The following SPATA31D1 variants were observed in gnomAD, a reference collection of about 807,000 sequenced individuals.
SPATA31D1 encodes spermatogenesis-associated protein 31D1.
Under a neutral mutation model 13.2 loss-of-function variants are expected in SPATA31D1, and 6 were observed. The observed-to-expected ratio is 0.46, with a 90% CI of 0.25 to 0.90. The LOEUF is 0.90. Among genes scored for constraint, SPATA31D1 ranks in the 40% least tolerant of loss-of-function variants. SPATA31D1 has a pLI of 0.18. For missense variants in SPATA31D1, 2,445 were observed against 1,884.7 expected (o/e 1.30, Z -5.50); for synonymous variants, 903 against 718.8 (o/e 1.26, Z -4.10).
chr9:81,989,680 T>G, intron 1 of SPATA31D1, 98 bp from the exon 2 acceptor site: 1 of 1,299,984 alleles, frequency 7.7e-7, no homozygotes, highest in Non-Finnish European at 1.1e-6. Flanking sequence ...GTAATATTCT[T>G]GTATAATGAA....
chr9:81,993,892 A>G lies in SPATA31D1; in HGVS notation c.3422A>G (p.Gln1141Arg). 1.2e-6 allele frequency: 2 copies of G among 1,614,028 alleles called. No homozygotes were observed. ...TCCTTTCATAATGTAGACAGGCTTCAGGGCAGTAGAAAGACCTTTCCTGTC... is the reference window on the plus strand; with the variant it reads ...TCCTTTCATAATGTAGACAGGCTTCGGGGCAGTAGAAAGACCTTTCCTGTC... ...KSSFHNVDRL[Q>R]GSRKTFPVTN... Residue 1141 changes from glutamine (Q) to arginine (R), a missense_variant, in exon 4 of 4, where the codon CAG (glutamine) becomes CGG (arginine). By Grantham distance (43) the Gln-to-Arg change is conservative (BLOSUM62 1). Coordinates refer to ENST00000344803, the MANE Select transcript of SPATA31D1 (RefSeq NM_001001670.3).
rs1824898569 is a variant in SPATA31D1, at chr9:81,988,894, G to A, written c.76G>A (p.Asp26Asn). ...LSPDSHWLDI[D>N]PNFICLSGLG... ...CCCTGACTCACATTGGTTGGATATCGACCCCAACTTCATCTGCTTGAGTGG... is the reference window on the plus strand; with the variant it reads ...CCCTGACTCACATTGGTTGGATATCAACCCCAACTTCATCTGCTTGAGTGG... Residue 26 changes from aspartate to asparagine, a missense_variant, in exon 1 of 4, where the codon GAC becomes AAC. Transcript: ENST00000344803. 4 of 1,612,762 alleles carry A rather than the reference G, an allele frequency of 2.5e-6. No individual in the cohort carries two copies. The African/African-American group carries it at 4.0e-5, about 16-fold the overall frequency.
chr9:81,988,708 C>G, upstream of SPATA31D1: 1 of 1,550,098 alleles, frequency 6.5e-7, no homozygotes, highest in Non-Finnish European at 8.8e-7. Context: ...TCCCTGCACC[C>G]TTAGAAACCT....
chr9:81,992,199 C>T lies in SPATA31D1; in HGVS notation c.1729C>T (p.Gln577Ter). ...CCAAGGTCAGTCCCCACATCTCACT[C>T]AGGTGAAGTCCCTGGCTCAACCTCA... ...LPQGQSPHLT[Q>*]VKSLAQPQSP... The change falls in exon 4 of 4, where the codon CAG (glutamine) becomes TAG (stop). Residue 577 changes from glutamine (Q) to a stop codon, truncating the protein, a stop_gained. Coordinates refer to ENST00000344803, the MANE Select transcript of SPATA31D1 (RefSeq NM_001001670.3). LOFTEE classifies it low-confidence loss of function (END_TRUNC). 1 of 1,613,780 alleles carries T rather than the reference C, an allele frequency of 6.2e-7. No homozygotes were observed. The highest frequency in any genetic ancestry group is 8.5e-7 in the Non-Finnish European group (1 of 1,179,724).
At position 81,995,026 on chromosome 9, in the gene SPATA31D1, C is replaced by G. The variant is rs73480308; in HGVS notation, c.4556C>G (p.Pro1519Arg). 3.3e-3 allele frequency: 5,252 copies of G among 1,613,880 alleles called. 150 individuals are homozygous for G. In the African/African-American group the frequency reaches 0.06, roughly 18 times the overall value. Residue 1519 changes from proline (P) to arginine (R), a missense_variant, in exon 4 of 4, where the codon CCC (proline) becomes CGC (arginine). Coordinates refer to ENST00000344803, the MANE Select transcript of SPATA31D1 (RefSeq NM_001001670.3). ...ILCQSHPQSM[P>R]HRKPVPHPNP... ...TGTCAAAGCCATCCCCAATCCATGC[C>G]CCACAGGAAGCCTGTGCCACATCCA...
In SPATA31D1 at chr9:81,988,830, C is replaced by T; in HGVS notation, c.12C>T (p.Ile4=). 1 of 1,612,626 alleles carries T rather than the reference C, an allele frequency of 6.2e-7. No individual in the cohort carries two copies. The highest frequency in any genetic ancestry group is 8.5e-7 in the Non-Finnish European group (1 of 1,179,726). Residue 4 remains isoleucine, a synonymous_variant, in exon 1 of 4, where the codon ATC becomes ATT. Coordinates refer to ENST00000344803, the MANE Select transcript of SPATA31D1 (RefSeq NM_001001670.3). The stretch of plus-strand genomic sequence containing the variant: ...GAGCTATTCAGACCATGGAGAATAT[C>T]CTCTGTTTTCTGAACAGCTATACTG... MEN[I]LCFLNSYTET...
In SPATA31D1 at chr9:81,994,385, TGGAG is replaced by T; in HGVS notation, c.3918_3921del (p.Gly1307MetfsTer33). On this transcript the variant is annotated frameshift_variant, in exon 4 of 4. Transcript: ENST00000344803. LOFTEE classifies it low-confidence loss of function (END_TRUNC). ...TGAGACCCAAAGGAGGAGAGCTTGA[TGGAG>T]GGGATGCAGGGCTGGGGACATCCCA... 6.2e-7 allele frequency: 1 copy of T among 1,613,910 alleles called. No individual in the cohort carries two copies. Among genetic ancestry groups the T allele is most frequent in the Non-Finnish European group, 8.5e-7 (1 of 1,179,848 alleles).
In SPATA31D1 at chr9:81,993,037, C is replaced by G; in HGVS notation, c.2567C>G (p.Ser856Ter). 1 of 1,613,786 alleles carries G rather than the reference C, an allele frequency of 6.2e-7. No individual in the cohort carries two copies. Among genetic ancestry groups the G allele is most frequent in the South Asian group, 1.1e-5 (1 of 91,076 alleles). ...MPGTVHSSWH[S>*]VKQTMSLPEK... ...GGGACTGTGCATAGTTCATGGCACT[C>G]AGTCAAGCAGACAATGTCTCTTCCT... is the stretch of plus-strand genomic sequence containing the variant. Residue 856 changes from serine to a stop codon, truncating the protein, a stop_gained, in exon 4 of 4, where the codon TCA (serine) becomes TGA (stop). Coordinates refer to ENST00000344803, the MANE Select transcript of SPATA31D1 (RefSeq NM_001001670.3). LOFTEE classifies it low-confidence loss of function (END_TRUNC).
rs770814660 is a variant in SPATA31D1 at position 81,994,742 on chromosome 9, T to C, written c.4272T>C (p.Asp1424=). The part of the protein sequence containing the change: ...EEKLGHRHGI[D]ITCPQEPLSF... The stretch of plus-strand genomic sequence containing the variant: ...AGCTGGGGCATAGGCATGGGATAGA[T>C]ATCACCTGTCCCCAAGAGCCCCTTT... The change falls in exon 4 of 4, where the codon GAT becomes GAC. Residue 1424 remains aspartate (D), a synonymous_variant. Coordinates refer to ENST00000344803, the MANE Select transcript of SPATA31D1 (RefSeq NM_001001670.3). 3.1e-6 allele frequency: 5 copies of C among 1,613,784 alleles called. No individual in the cohort carries two copies. The highest frequency in any genetic ancestry group is 3.3e-4 in the Middle Eastern group (2 of 6,084).
At position 81,993,367 on chromosome 9, in the gene SPATA31D1, G is replaced by A; in HGVS notation, c.2897G>A (p.Arg966Gln). ...GATGGGGTCTCTAAGTCCCGTAGTC[G>A]AAGCACTTTTCAAGGAGAAAAGTTG... ...SKDGVSKSRS[R>Q]STFQGEKLGT... Residue 966 changes from arginine (R) to glutamine (Q), a missense_variant, in exon 4 of 4, where the codon CGA (arginine) becomes CAA (glutamine). By Grantham distance (43) the Arg-to-Gln change is conservative. Coordinates refer to ENST00000344803, the MANE Select transcript of SPATA31D1 (RefSeq NM_001001670.3). The A allele has an allele frequency of 3.7e-6, 6 of 1,613,912 alleles. No homozygotes were observed. Among genetic ancestry groups the A allele is most frequent in the East Asian group, 2.2e-5 (1 of 44,860 alleles).
Position 81,994,786 on chromosome 9 carries a change from G to T in SPATA31D1, c.4316G>T (p.Gly1439Val), listed in dbSNP as rs760288957. 1.2e-6 allele frequency: 2 copies of T among 1,613,932 alleles called. No individual in the cohort carries two copies. Among genetic ancestry groups the T allele is most frequent in the South Asian group, 1.1e-5 (1 of 91,086 alleles). ...QEPLSFPVGL[G>V]KAQHNPEVHV... ...CCCCTTTCCTTCCCAGTGGGGCTTG[G>T]GAAAGCTCAGCACAACCCAGAAGTG... is the stretch of plus-strand genomic sequence containing the variant. Residue 1439 changes from glycine to valine, a missense_variant, in exon 4 of 4, where the codon GGG becomes GTG. By Grantham distance (109) the Gly-to-Val change is moderately radical (BLOSUM62 -3). Transcript: ENST00000344803.
intron 2 of SPATA31D1, chr9:81,990,121 TCA>T (rs1295706544): frequency 5.7e-6 from 3 of 523,578 alleles, no homozygotes; most frequent in Non-Finnish European, 1.0e-5. Context: ...AGCTTCTGTC[TCA>T]CAACTTTGCA....
At position 81,993,480 on chromosome 9, in the gene SPATA31D1, C is replaced by A. The variant is rs1825024420; in HGVS notation, c.3010C>A (p.Gln1004Lys). Residue 1004 changes from glutamine (Q) to lysine (K), a missense_variant, in exon 4 of 4, where the codon CAA becomes AAA. Physicochemically the swap from Gln to Lys is moderately conservative, Grantham distance 53. Coordinates refer to ENST00000344803, the MANE Select transcript of SPATA31D1 (RefSeq NM_001001670.3). ...AGAAGGGCAGGGGACCCTGAGAAGA[C>A]AATTTTCTGATACTGACCATGACCT... is the stretch of plus-strand genomic sequence containing the variant. Reference protein sequence around the residue: ...VQEGQGTLRRQFSDTDHDLIE... With the variant: ...VQEGQGTLRRKFSDTDHDLIE... 1 of 1,612,970 alleles carries A rather than the reference C, an allele frequency of 6.2e-7. No homozygotes were observed.
chr9:81,992,221 C>T lies in SPATA31D1; in HGVS notation c.1751C>T (p.Pro584Leu), dbSNP rs377361684. The T allele has an allele frequency of 5.8e-5, 94 of 1,613,662 alleles. No homozygotes were observed. Among genetic ancestry groups the T allele is most frequent in the Non-Finnish European group, 7.4e-5 (87 of 1,179,736 alleles). Residue 584 changes from proline (P) to leucine (L), a missense_variant, in exon 4 of 4, where the codon CCT becomes CTT. Physicochemically the swap from Pro to Leu is moderately conservative, Grantham distance 98 (BLOSUM62 -3). Coordinates refer to ENST00000344803, the MANE Select transcript of SPATA31D1 (RefSeq NM_001001670.3). ...ACTCAGGTGAAGTCCCTGGCTCAAC[C>T]TCAATCTCCATTCCGAGCCCTACTA... is the stretch of plus-strand genomic sequence containing the variant. ...HLTQVKSLAQ[P>L]QSPFRALLPS...
chr9:81,990,009 C>CGTAA, intron 2 of SPATA31D1, 186 bp downstream of exon 2: 1 of 641,306 alleles, frequency 1.6e-6, no homozygotes, highest in Non-Finnish European at 2.6e-6. Context: ...CTGCTCTGCC[C>CGTAA]ATTTACGGGC....
In SPATA31D1 at chr9:81,992,255, T is replaced by C. The variant is rs149127563; in HGVS notation, c.1785T>C (p.Pro595=). ...CATTCCGAGCCCTACTACCTAGTCC[T>C]CTATTCCTGATTAGGATCTGTGGAG... ...QSPFRALLPS[P]LFLIRICGVC... The change falls in exon 4 of 4, where the codon CCT becomes CCC. Residue 595 remains proline (P), a synonymous_variant. Coordinates refer to ENST00000344803, the MANE Select transcript of SPATA31D1 (RefSeq NM_001001670.3). The C allele has an allele frequency of 6.2e-6, 10 of 1,613,786 alleles. No homozygotes were observed. The highest frequency in any genetic ancestry group is 8.5e-6 in the Non-Finnish European group (10 of 1,179,724).
chr9:81,995,186 T>C lies in SPATA31D1; in HGVS notation c.4716T>C (p.Phe1572=). 6.5e-7 allele frequency: 1 copy of C among 1,527,738 alleles called. No homozygotes were observed. Among genetic ancestry groups the C allele is most frequent in the Non-Finnish European group, 8.8e-7 (1 of 1,135,902 alleles). 94.6% of individuals were successfully genotyped at this position (1,527,738 alleles called of 1,614,324 possible). ...MLPKHLQGGK[F]PPTK is the part of the protein sequence containing the mutation. ...CAAAGCATTTACAGGGAGGAAAATT[T>C]CCCCCCACAAAATAATTCACTCCTT... Residue 1572 remains phenylalanine (F), a synonymous_variant, in exon 4 of 4, where the codon TTT becomes TTC. Transcript: ENST00000344803.
Position 81,990,814 on chromosome 9 carries a change from A to G in SPATA31D1, c.344A>G (p.His115Arg), listed in dbSNP as rs780566441. 9.9e-6 allele frequency: 16 copies of G among 1,613,562 alleles called. No homozygotes were observed. Among genetic ancestry groups the G allele is most frequent in the East Asian group, 2.2e-5 (1 of 44,854 alleles). ...PVSCSPRGQH[H>R]DTNHFRRLLC... ...TCCTGCAGTCCTCGGGGCCAGCATC[A>G]TGATACCAACCACTTTCGTCGACTG... Residue 115 changes from histidine (H) to arginine (R), a missense_variant, in exon 4 of 4, where the codon CAT becomes CGT. Coordinates refer to ENST00000344803, the MANE Select transcript of SPATA31D1 (RefSeq NM_001001670.3).
At chr9:81,987,422 A>C (rs1324135855), upstream of SPATA31D1, among the ~76,000 whole-genome samples, 6 of 152,114 alleles carry the variant, frequency 3.9e-5, no homozygotes, top group African/African-American at 7.2e-5. Flanking sequence ...AACTGCTGCT[A>C]ATTGGAGTGT....
Sources: allele counts gnomAD v4.1 joint callset (sites outside exome capture counted in the v4.1 genomes callset), GRCh38; gene constraint gnomAD v4.1.1; transcripts MANE v1.5; gene names NCBI Gene and HGNC (gene_info 2026-07-23, HGNC 2026-07-21).